Variants in COL18A1 observed in about 807,000 individuals in gnomAD.
The protein encoded by COL18A1 is collagen alpha-1(XVIII) chain.
Under a neutral mutation model 168.0 loss-of-function variants are expected in COL18A1, and 133 were observed. The ratio of observed to expected loss-of-function variants is 0.79; its 90% CI spans 0.69 to 0.91. The LOEUF (loss-of-function observed/expected upper bound fraction) is 0.91, where lower values mean the gene tolerates loss of function less well. COL18A1 is among the 40% of genes least tolerant of loss of function. The pLI is 0.00. For synonymous variants in COL18A1, 949 were observed against 809.0 expected, an observed-to-expected ratio of 1.17 and a Z score of -2.94; for missense variants, 2,126 against 1,925.4, an observed-to-expected ratio of 1.10 and a Z score of -1.95.
At position 45,483,820 on chromosome 21, in the gene COL18A1, G is replaced by A. The variant is rs908810701; in HGVS notation, c.1701+999G>A. Among the ~76,000 whole-genome samples, 8 of 152,270 alleles carry A rather than the reference G, an allele frequency of 5.3e-5. No homozygotes were observed. The South Asian group carries it at 8.3e-4, about 16-fold the overall frequency. On this transcript the variant is annotated intron_variant, in intron 15 of 41. Transcript: ENST00000651438. Reference sequence around the variant, plus strand: ...TGCGAGTCAGGTGGTGAGAGCACTTGGAGAGGCTGAGAGGACATGGGCTGG... The same window carrying A: ...TGCGAGTCAGGTGGTGAGAGCACTTAGAGAGGCTGAGAGGACATGGGCTGG...
At chr21:45,474,721 C>T (rs73907524) in intron 4 of COL18A1, among the ~76,000 whole-genome samples, 285 of 146,198 alleles carry the variant, frequency 1.9e-3, no homozygotes, top group African/African-American at 6.9e-3. Flanking sequence ...CCCACAGCCT[C>T]GCTCCTGGGG....
In COL18A1 at chr21:45,414,634, G is replaced by T. The variant is rs2033391353; in HGVS notation, c.106+9161G>T. On this transcript the variant is annotated intron_variant, in intron 2 of 41. Transcript: ENST00000651438. ...GCCATGCTCCGGGCATGTGGCCTGA[G>T]GGCCTCACGGACAGCCAGCCTCCCA... is the stretch of plus-strand genomic sequence containing the variant. 2.0e-5 allele frequency among the ~76,000 whole-genome samples: 3 copies of T among 152,228 alleles called. No individual in the cohort carries two copies. In the South Asian group the frequency reaches 6.2e-4, roughly 32 times the overall value.
chr21:45,505,770 TCCTTCCTTCCGCC>T, intron 36 of COL18A1, 55 bp from the exon 37 acceptor site: 1 of 1,239,510 alleles, frequency 8.1e-7, no homozygotes, highest in Non-Finnish European at 1.1e-6. Flanking sequence ...AAACGGGCAT[TCCTTCCTTCCGCC>T]CCTGCCCCCC....
rs749560061 is a variant in COL18A1, at chr21:45,438,014, ACACT to A, written c.107-30220_107-30217del. On this transcript the variant is annotated intron_variant, in intron 2 of 41. Transcript: ENST00000651438. ...CACACAGGCACTCTCCTGCACACAC[ACACT>A]CACTCACACACAGACACACAGGCAC... 8.6e-3 allele frequency among the ~76,000 whole-genome samples: 759 copies of A among 87,882 alleles called. 17 individuals carry two copies. Among genetic ancestry groups the A allele is most frequent in the Middle Eastern group, 0.016 (2 of 124 alleles). The allele number at this position is 87,882 out of a possible 152,430, so 57.7% of individuals were successfully genotyped here.
intron 38 of COL18A1, 138 bp downstream of exon 38, chr21:45,507,731 C>A: frequency 1.2e-6 from 1 of 827,032 alleles, no homozygotes; most frequent in Non-Finnish European, 2.0e-6. Context: ...GCCCCTGCTG[C>A]AGAAACTGGT....
chr21:45,494,990 T>C (rs1057296915), intron 28 of COL18A1, 75 bp downstream of exon 28: 1 of 1,334,794 alleles, frequency 7.5e-7, no homozygotes. Flanking sequence ...CCCACGGGGG[T>C]GACATGCCCA....
At chr21:45,439,268 C>T (rs562509654) in intron 2 of COL18A1, among the ~76,000 whole-genome samples, 3 of 152,360 alleles carry the variant, frequency 2.0e-5, no homozygotes, top group Admixed American at 2.0e-4. Context: ...CAGGCCTGGA[C>T]CGCCCGAGTG....
chr21:45,508,773 G>T (rs1011077131), intron 38 of COL18A1, among the ~76,000 whole-genome samples: 26 of 152,294 alleles, frequency 1.7e-4, no homozygotes, highest in African/African-American at 6.0e-4. Flanking sequence ...TGTGTGCCGG[G>T]TGGCCATGGA....
chr21:45,439,344 G>A (rs1217902788), intron 2 of COL18A1, among the ~76,000 whole-genome samples: 1 of 152,238 alleles, frequency 6.6e-6, no homozygotes, highest in African/African-American at 2.4e-5. Flanking sequence ...CGTGCCTCGT[G>A]TGCGTGTGAG....
intron 2 of COL18A1, among the ~76,000 whole-genome samples, chr21:45,448,611 A>T (rs2145833647): frequency 6.6e-6 from 1 of 152,394 alleles, no homozygotes; most frequent in African/African-American, 2.4e-5. Flanking sequence ...ATTGCCCTGT[A>T]GATGCACTTC....
chr21:45,470,455 G>T (rs1467558578), intron 3 of COL18A1, among the ~76,000 whole-genome samples: 7 of 114,578 alleles, frequency 6.1e-5, no homozygotes, highest in Non-Finnish European at 1.3e-4. Flanking sequence ...TTGACTATTG[G>T]GATTGGATGT....
chr21:45,458,624 C>A (rs2034930233), intron 2 of COL18A1, among the ~76,000 whole-genome samples: 1 of 152,204 alleles, frequency 6.6e-6, no homozygotes, highest in Non-Finnish European at 1.5e-5. Flanking sequence ...GGTAGGGCAG[C>A]CTTGCAGGAG....
At chr21:45,405,522 C>A in intron 2 of COL18A1, 49 bp downstream of exon 2, 1 of 1,181,696 alleles carries the variant, frequency 8.5e-7, no homozygotes, top group Non-Finnish European at 1.1e-6. Flanking sequence ...CCGCCGGCCT[C>A]GCCGCCCTGG....
intron 2 of COL18A1, among the ~76,000 whole-genome samples, chr21:45,435,576 C>G (rs550219487): frequency 1.3e-5 from 2 of 151,930 alleles, no homozygotes; most frequent in South Asian, 4.2e-4. Flanking sequence ...GTGGGAGGCA[C>G]GGGCAGGGCC....
rs908066000 is a variant in COL18A1 at position 45,493,181 on chromosome 21, G to A, written c.2233G>A (p.Gly745Ser). 3.2e-6 allele frequency: 5 copies of A among 1,561,266 alleles called. No homozygotes were observed. The highest frequency in any genetic ancestry group is 4.3e-6 in the Non-Finnish European group (5 of 1,152,648). Residue 745 changes from glycine (G) to serine (S), a missense_variant, in exon 25 of 42, where the codon GGC (glycine) becomes AGC (serine). Gly to Ser is a moderately conservative substitution (Grantham distance 56). Transcript: ENST00000651438. ...ATTCCAGGGACCTGCAGGACCCAAG[G>A]GCAACCTGGGCTCTAAGGGCGAACG... Reference protein sequence around the residue: ...AGFPGPAGPKGNLGSKGERGS... With the variant: ...AGFPGPAGPKSNLGSKGERGS...
At chr21:45,465,252 C>A (rs1335843567) in intron 2 of COL18A1, among the ~76,000 whole-genome samples, 1 of 152,220 alleles carries the variant, frequency 6.6e-6, no homozygotes, top group Non-Finnish European at 1.5e-5. Context: ...TGAGCCACCC[C>A]ACCTGTGCCT....
At chr21:45,475,058 T>C (rs1419272536) in intron 4 of COL18A1, among the ~76,000 whole-genome samples, 1 of 152,168 alleles carries the variant, frequency 6.6e-6, no homozygotes, top group Non-Finnish European at 1.5e-5. Context: ...CGGGTTTTCC[T>C]GAAGTTTAAA....
intron 2 of COL18A1, among the ~76,000 whole-genome samples, chr21:45,444,958 C>G (rs536848367): frequency 1.3e-5 from 2 of 152,268 alleles, no homozygotes; most frequent in East Asian, 3.9e-4. Context: ...GTGGGTCTCC[C>G]TTGATTGTTT....
intron 2 of COL18A1, chr21:45,456,712 C>G: frequency 6.5e-7 from 1 of 1,532,778 alleles, no homozygotes; most frequent in Non-Finnish European, 8.7e-7. Context: ...TGCTGCTGGT[C>G]CCCCCATGCG....
Sources: gnomAD v4.1 joint callset for allele counts (sites outside exome capture counted in the v4.1 genomes callset) on GRCh38, gnomAD v4.1.1 for gene constraint, MANE v1.5 for transcripts, NCBI Gene and HGNC (gene_info 2026-07-23, HGNC 2026-07-21) for gene names.